The following PLCL2 variants were observed in gnomAD, a reference collection of about 807,000 sequenced individuals.
PLCL2 encodes the protein inactive phospholipase C-like protein 2.
In PLCL2, 4 loss-of-function variants were observed where a neutral mutation model predicts 79.6. That is an observed-to-expected ratio of 0.05 (90% CI 0.02 to 0.11). PLCL2 has a LOEUF of 0.11. Among genes scored for constraint, PLCL2 ranks in the 10% least tolerant of loss-of-function variants. The probability of loss-of-function intolerance (pLI) is 1.00; values close to 1 mark genes in which losing one functional copy is unlikely to be tolerated. For missense variants in PLCL2, 895 were observed against 1,291.0 expected, an observed-to-expected ratio of 0.69 and a Z score of 4.70; for synonymous variants, 484 against 457.7, an observed-to-expected ratio of 1.06 and a Z score of -0.73.
chr3:16,895,577 A>G (rs1236852729), intron 1 of PLCL2, among the ~76,000 whole-genome samples: 3 of 152,174 alleles, frequency 2.0e-5, no homozygotes, highest in East Asian at 1.9e-4. Context: ...TAAAGTCCTT[A>G]TATACTTACC....
At chr3:17,033,630 C>T (rs1291330031) in intron 3 of PLCL2, among the ~76,000 whole-genome samples, 3 of 152,140 alleles carry the variant, frequency 2.0e-5, no homozygotes, top group Non-Finnish European at 2.9e-5. Context: ...CCATATTCTT[C>T]AATTCACAAA....
chr3:17,086,858 C>G (rs1430598908), intron 5 of PLCL2, among the ~76,000 whole-genome samples: 1 of 152,150 alleles, frequency 6.6e-6, no homozygotes, highest in East Asian at 1.9e-4. Flanking sequence ...GGGCAAAAGT[C>G]TGAACAGTCA....
intron 1 of PLCL2, among the ~76,000 whole-genome samples, chr3:16,967,946 A>G (rs1040320195): frequency 5.3e-5 from 8 of 151,996 alleles, no homozygotes; most frequent in Admixed American, 1.3e-4. Context: ...TGCATATGGT[A>G]TAAGGAAGGG....
At chr3:16,911,177 C>T (rs1421409559) in intron 1 of PLCL2, among the ~76,000 whole-genome samples, 2 of 148,036 alleles carry the variant, frequency 1.4e-5, no homozygotes, top group Admixed American at 6.8e-5. Flanking sequence ...CACTTGAACC[C>T]GGGGGGCGGA....
intron 1 of PLCL2, among the ~76,000 whole-genome samples, chr3:16,973,941 A>G (rs1177142836): frequency 6.6e-6 from 1 of 152,214 alleles, no homozygotes; most frequent in Non-Finnish European, 1.5e-5. Flanking sequence ...ATAGTAGGAG[A>G]GTTAGACCTT....
chr3:17,011,204 G>A lies in PLCL2; in HGVS notation c.1858G>A (p.Glu620Lys). Reference sequence around the variant, plus strand: ...ATTTCAGCTTTGTAAAGAACTGTCTGAACTGGTCAGCATCTGCAAATCAGT... The same window carrying A: ...ATTTCAGCTTTGTAAAGAACTGTCTAAACTGGTCAGCATCTGCAAATCAGT... ...KRFQLCKELS[E>K]LVSICKSVQF... The change falls in exon 2 of 6, where the codon GAA (glutamate) becomes AAA (lysine). Residue 620 changes from glutamate to lysine, a missense_variant. Physicochemically the swap from Glu to Lys is moderately conservative, Grantham distance 56. Coordinates refer to ENST00000615277, the MANE Select transcript of PLCL2 (RefSeq NM_001144382.2). This position sits in a 1 kb window ranked among gnomAD's most constrained non-coding sequence, Gnocchi z 7.9. 6.2e-7 allele frequency: 1 copy of A among 1,614,204 alleles called. No homozygotes were observed. The highest frequency in any genetic ancestry group is 8.5e-7 in the Non-Finnish European group (1 of 1,180,036).
intron 1 of PLCL2, among the ~76,000 whole-genome samples, chr3:16,949,689 T>C (rs1253744405): frequency 6.6e-6 from 1 of 152,208 alleles, no homozygotes; most frequent in Non-Finnish European, 1.5e-5. Flanking sequence ...TGTTTAATTC[T>C]CTGCTGTTGC....
chr3:16,990,732 A>C (rs1575574486), intron 1 of PLCL2, among the ~76,000 whole-genome samples: 1 of 152,326 alleles, frequency 6.6e-6, no homozygotes, highest in East Asian at 1.9e-4. Flanking sequence ...TCATTTTATA[A>C]AATAGCAGCT....
Position 16,885,314 on chromosome 3 carries a change from T to A in PLCL2, c.275T>A (p.Leu92His). Residue 92 changes from leucine (L) to histidine (H), a missense_variant, in exon 1 of 6, where the codon CTC becomes CAC. Around this residue, in one of 6 missense-constraint regions of PLCL2, gnomAD observed 110 missense variants for 42.9 expected, o/e 2.56. Transcript: ENST00000615277. ...ACCCCCAGCGCGGTCGTCTGTACCCTCCCCCGGGAGAGCAAGCCGGGCGGC... is the reference window on the plus strand; with the variant it reads ...ACCCCCAGCGCGGTCGTCTGTACCCACCCCCGGGAGAGCAAGCCGGGCGGC... The part of the protein sequence containing the change: ...APTPSAVVCT[L>H]PRESKPGGLP... 1 of 664,998 alleles carries A rather than the reference T, an allele frequency of 1.5e-6. No individual in the cohort carries two copies. The allele number at this position is 664,998 out of a possible 1,614,324, so 41.2% of individuals were successfully genotyped here. A position where few individuals can be genotyped will look rare whatever the true frequency, so the allele number is the denominator to read the frequency against.
At chr3:17,067,870 G>T in intron 4 of PLCL2, 86 bp from the exon 5 acceptor site, 2 of 689,418 alleles carry the variant, frequency 2.9e-6, no homozygotes, top group East Asian at 2.8e-5. Flanking sequence ...AATCATTTTA[G>T]CTGTACCTAG....
chr3:17,054,814 GCT>G (rs2064877554), intron 4 of PLCL2, among the ~76,000 whole-genome samples: 1 of 152,124 alleles, frequency 6.6e-6, no homozygotes. Context: ...ATGTTTCTCA[GCT>G]CTGTTTTACA....
At chr3:17,033,224 C>A (rs1296886648) in intron 3 of PLCL2, among the ~76,000 whole-genome samples, 1 of 152,060 alleles carries the variant, frequency 6.6e-6, no homozygotes, top group Non-Finnish European at 1.5e-5. Flanking sequence ...TACATGTGGA[C>A]CCTGGGTCAC....
chr3:16,929,349 CAT>C (rs1429387608), intron 1 of PLCL2, among the ~76,000 whole-genome samples: 1 of 152,072 alleles, frequency 6.6e-6, no homozygotes, highest in African/African-American at 2.4e-5. Context: ...ATAATGACAA[CAT>C]ATTTTTAAAT....
chr3:16,970,228 C>T (rs1040739934), intron 1 of PLCL2, among the ~76,000 whole-genome samples: 9 of 150,620 alleles, frequency 6.0e-5, no homozygotes, highest in African/African-American at 2.0e-4. Flanking sequence ...CAGCCCACAA[C>T]AGTCCCCAGA....
At chr3:16,965,728 G>T (rs1000440702) in intron 1 of PLCL2, among the ~76,000 whole-genome samples, 146 of 152,188 alleles carry the variant, frequency 9.6e-4, no homozygotes, top group Non-Finnish European at 1.9e-3. Flanking sequence ...CCTTGAGGAG[G>T]TCCTTCCCAT....
At chr3:16,995,131 G>T (rs1425510513) in intron 1 of PLCL2, among the ~76,000 whole-genome samples, 1 of 152,266 alleles carries the variant, frequency 6.6e-6, no homozygotes, top group Non-Finnish European at 1.5e-5. Context: ...GCTGGGCAAG[G>T]ACTTAGTTCT....
At chr3:17,059,519 CAT>C (rs1248365806) in intron 4 of PLCL2, among the ~76,000 whole-genome samples, 1 of 149,600 alleles carries the variant, frequency 6.7e-6, no homozygotes, top group Non-Finnish European at 1.5e-5. Context: ...CACACATATA[CAT>C]ATATATACTT....
chr3:16,945,879 T>G (rs1460353369), intron 1 of PLCL2, among the ~76,000 whole-genome samples: 1 of 152,230 alleles, frequency 6.6e-6, no homozygotes, highest in East Asian at 1.9e-4. Context: ...TTTTATCTTC[T>G]GCAGGTTTAT....
At chr3:16,891,742 T>C (rs1048756795) in intron 1 of PLCL2, among the ~76,000 whole-genome samples, 1 of 152,230 alleles carries the variant, frequency 6.6e-6, no homozygotes, top group Non-Finnish European at 1.5e-5. Context: ...CGATAAATAA[T>C]ATGGTCATCT....
Sources: allele counts gnomAD v4.1 joint callset (sites outside exome capture counted in the v4.1 genomes callset), GRCh38; gene constraint gnomAD v4.1.1; regional missense constraint gnomAD v4.1.1; non-coding constraint Gnocchi (gnomAD v3.1); transcripts MANE v1.5; gene names NCBI Gene and HGNC (gene_info 2026-07-23, HGNC 2026-07-21).